The following ANKRD55 variants were observed in gnomAD, a reference collection of about 807,000 sequenced individuals.
The protein encoded by ANKRD55 is ankyrin repeat domain 55.
ANKRD55 carries 41 observed loss-of-function variants against 60.6 expected under a neutral mutation model. The observed-to-expected ratio is 0.68, with a 90% CI of 0.53 to 0.88. The LOEUF (loss-of-function observed/expected upper bound fraction) is 0.88, where lower values mean the gene tolerates loss of function less well. Among genes scored for constraint, ANKRD55 ranks in the 40% least tolerant of loss-of-function variants. The probability of loss-of-function intolerance (pLI) is 0.00; values close to 1 mark genes in which losing one functional copy is unlikely to be tolerated. For missense variants in ANKRD55, 732 were observed against 767.6 expected, an observed-to-expected ratio of 0.95 and a Z score of 0.55; for synonymous variants, 264 against 290.3, an observed-to-expected ratio of 0.91 and a Z score of 0.92.
intron 6 of ANKRD55, among the ~76,000 whole-genome samples, chr5:56,146,334 G>T (rs1757895121): frequency 6.6e-6 from 1 of 151,640 alleles, no homozygotes; most frequent in East Asian, 1.9e-4. Context: ...GCCCAGGCTG[G>T]AGTGCAATGG....
chr5:56,124,535 T>C (rs1757178215), intron 8 of ANKRD55, among the ~76,000 whole-genome samples: 1 of 151,914 alleles, frequency 6.6e-6, no homozygotes, highest in Non-Finnish European at 1.5e-5. Context: ...TGAGACGGAG[T>C]CTCGCTCTGT....
chr5:56,223,831 A>T (rs548511643), intron 2 of ANKRD55, among the ~76,000 whole-genome samples: 1 of 152,262 alleles, frequency 6.6e-6, no homozygotes, highest in African/African-American at 2.4e-5. Flanking sequence ...ACCTAGATTC[A>T]TAAAGCAAGT....
chr5:56,159,991 G>C lies in ANKRD55; in HGVS notation c.423-98C>G. 9 of 995,540 alleles carry C rather than the reference G, an allele frequency of 9.0e-6. No homozygotes were observed. The South Asian group carries it at 1.1e-4, about 12-fold the overall frequency. 61.7% of individuals were successfully genotyped at this position (995,540 alleles called of 1,614,324 possible). On this transcript the variant is annotated intron_variant, in intron 5 of 11. Transcript: ENST00000341048. ...CATGACCTTAGAAAAACCGTCAGTT[G>C]AAAGACTCCAAATGAAGATGAGGGC...
At position 56,194,186 on chromosome 5, in the gene ANKRD55, C is replaced by T. The variant is rs182724314; in HGVS notation, c.59-10552G>A. Reference sequence around the variant, plus strand: ...CAAAAATTAGCTGGGCGTGGTGGCGCGCACCTGTAGTCCCAGCTACTTGGC... The same window carrying T: ...CAAAAATTAGCTGGGCGTGGTGGCGTGCACCTGTAGTCCCAGCTACTTGGC... On this transcript the variant is annotated intron_variant, in intron 2 of 11. Transcript: ENST00000341048. Among the ~76,000 whole-genome samples the T allele has an allele frequency of 2.8e-4, 43 of 151,940 alleles. No individual in the cohort carries two copies. In the East Asian group the frequency reaches 6.8e-3, roughly 24 times the overall value.
At chr5:56,102,706 T>A in intron 10 of ANKRD55, 120 bp from the exon 11 acceptor site, 1 of 646,112 alleles carries the variant, frequency 1.5e-6, no homozygotes, top group Non-Finnish European at 2.7e-6. Flanking sequence ...GTGGTAACAA[T>A]AACAATGAAA....
intron 2 of ANKRD55, among the ~76,000 whole-genome samples, chr5:56,226,519 A>C (rs1365311598): frequency 8.5e-5 from 4 of 47,310 alleles, no homozygotes. Flanking sequence ...TCTGCACAGC[A>C]AAAAAAAAAC....
chr5:56,212,339 A>G (rs1297044418), intron 2 of ANKRD55, among the ~76,000 whole-genome samples: 2 of 152,222 alleles, frequency 1.3e-5, no homozygotes, highest in Non-Finnish European at 2.9e-5. Flanking sequence ...TTTGACCCCT[A>G]TAAGATAAAC....
At chr5:56,115,214 T>TAATAAAGA (rs1554036822) in intron 9 of ANKRD55, among the ~76,000 whole-genome samples, 1 of 144,640 alleles carries the variant, frequency 6.9e-6, no homozygotes, top group Non-Finnish European at 1.5e-5. Flanking sequence ...ATAATAATAA[T>TAATAAAGA]AATAAATAAA....
At chr5:56,221,566 C>T (rs149364) in intron 2 of ANKRD55, among the ~76,000 whole-genome samples, 54,278 of 152,046 alleles carry the variant, frequency 0.36, 10,795 homozygotes, top group East Asian at 0.84. Context: ...ACGCGGGAAG[C>T]GCAAGGGGTG....
chr5:56,201,987 C>T (rs1465414985), intron 2 of ANKRD55, among the ~76,000 whole-genome samples: 2 of 152,168 alleles, frequency 1.3e-5, no homozygotes, highest in Non-Finnish European at 2.9e-5. Context: ...AGGTCATGTC[C>T]TTTGCAGGGA....
At chr5:56,121,772 CAAG>C (rs1287339672) in intron 8 of ANKRD55, among the ~76,000 whole-genome samples, 21 of 152,072 alleles carry the variant, frequency 1.4e-4, no homozygotes, top group Non-Finnish European at 2.4e-4. Flanking sequence ...AGGCTCCCAA[CAAG>C]AAGGTCGAAT....
chr5:56,137,087 G>T, intron 7 of ANKRD55: 2 of 908,470 alleles, frequency 2.2e-6, no homozygotes, highest in African/African-American at 1.6e-5. Context: ...CAGGCCATCA[G>T]GGTAGGCATA....
Position 56,099,933 on chromosome 5 carries a change from A to C in ANKRD55, c.*250T>G, listed in dbSNP as rs1348062709. ...ATAGCTCAGTTTTCCTACTGATAACATATTTTGTCTTTTAATTTTGGCATG... is the reference window on the plus strand; with the variant it reads ...ATAGCTCAGTTTTCCTACTGATAACCTATTTTGTCTTTTAATTTTGGCATG... On this transcript the variant is annotated 3_prime_UTR_variant, in exon 12 of 12. Transcript: ENST00000341048. The C allele has an allele frequency of 2.2e-6, 1 of 444,534 alleles. No homozygotes were observed. The allele number at this position is 444,534 out of a possible 1,614,324, so 27.5% of individuals were successfully genotyped here.
intron 4 of ANKRD55, among the ~76,000 whole-genome samples, chr5:56,173,562 CTCTCTCTCTCTCTCTCTCTCTATA>C (rs1432525278): frequency 3.4e-5 from 4 of 118,240 alleles, no homozygotes; most frequent in African/African-American, 1.4e-4. Context: ...CTCTCTCTCT[CTCTCTCTCTCTCTCTCTCTCTATA>C]TATATATATA....
chr5:56,226,288 G>A (rs1760108393), intron 2 of ANKRD55, among the ~76,000 whole-genome samples: 1 of 152,170 alleles, frequency 6.6e-6, no homozygotes, highest in South Asian at 2.1e-4. Flanking sequence ...TATGTAGAAA[G>A]CTGACACTGG....
chr5:56,222,182 T>C (rs1272067861), intron 2 of ANKRD55, among the ~76,000 whole-genome samples: 1 of 152,158 alleles, frequency 6.6e-6, no homozygotes, highest in Non-Finnish European at 1.5e-5. Flanking sequence ...ACATTCGCCG[T>C]TCTGCAATAT....
intron 2 of ANKRD55, among the ~76,000 whole-genome samples, chr5:56,189,932 T>G (rs1759054168): frequency 5.9e-5 from 9 of 152,222 alleles, no homozygotes; most frequent in Admixed American, 5.9e-4. Flanking sequence ...ATTTTGTATT[T>G]CCACCAAAGT....
intron 6 of ANKRD55, among the ~76,000 whole-genome samples, chr5:56,154,350 A>C (rs569268106): frequency 6.6e-6 from 1 of 152,278 alleles, no homozygotes; most frequent in East Asian, 1.9e-4. Flanking sequence ...AGACGAGAGA[A>C]GATTACTTGT....
At chr5:56,109,759 C>T (rs910756058) in intron 10 of ANKRD55, among the ~76,000 whole-genome samples, 3 of 152,164 alleles carry the variant, frequency 2.0e-5, no homozygotes, top group African/African-American at 4.8e-5. Context: ...CGGTGGCTCA[C>T]GCCTGTAATC....
Sources: allele counts gnomAD v4.1 joint callset (sites outside exome capture counted in the v4.1 genomes callset), GRCh38; gene constraint gnomAD v4.1.1; transcripts MANE v1.5; gene names NCBI Gene and HGNC (gene_info 2026-07-23, HGNC 2026-07-21).